PSTPIP1: variants seen among roughly 807,000 people sequenced by gnomAD.
PSTPIP1 encodes the protein proline-serine-threonine phosphatase-interacting protein 1.
A neutral mutation model predicts 69.6 loss-of-function variants in PSTPIP1; 66 were observed. The ratio of observed to expected loss-of-function variants is 0.95; its 90% CI spans 0.78 to 1.16. PSTPIP1 has a LOEUF of 1.16. Among genes scored for constraint, PSTPIP1 ranks in the 50% most tolerant of loss-of-function variants. The pLI is 0.00. For missense variants in PSTPIP1, 603 were observed against 557.4 expected (o/e 1.08, Z -0.82); for synonymous variants, 266 against 222.7 (o/e 1.19, Z -1.73).
chr15:77,003,701 C>T (rs910694232), intron 1 of PSTPIP1, among the ~76,000 whole-genome samples: 1 of 151,974 alleles, frequency 6.6e-6, no homozygotes, highest in Non-Finnish European at 1.5e-5. Context: ...TTTGAAGCCT[C>T]ACCCAACCCT....
At chr15:77,033,056 G>A (rs2076461875) in intron 12 of PSTPIP1, 104 bp downstream of exon 12, 1 of 1,169,366 alleles carries the variant, frequency 8.6e-7, no homozygotes, top group Non-Finnish European at 1.2e-6. Flanking sequence ...CACCTACTAT[G>A]TGTCTGTATC....
chr15:77,025,248 TCTC>T (rs1227181038), intron 3 of PSTPIP1, 33 bp from the exon 4 acceptor site: 4 of 1,589,406 alleles, frequency 2.5e-6, no homozygotes, highest in South Asian at 2.2e-5. Flanking sequence ...CCCGCTGTGC[TCTC>T]CTCCTCCTGA....
chr15:77,025,380 G>A (rs372385493), intron 4 of PSTPIP1, 62 bp downstream of exon 4: 52 of 1,581,842 alleles, frequency 3.3e-5, no homozygotes, highest in Middle Eastern at 3.3e-4. Flanking sequence ...GGAGGGTTTG[G>A]GGGGACAGAA....
chr15:76,995,949 A>G (rs1033759034), intron 1 of PSTPIP1, among the ~76,000 whole-genome samples: 2 of 152,232 alleles, frequency 1.3e-5, no homozygotes, highest in African/African-American at 4.8e-5. Flanking sequence ...ACAGATTTAG[A>G]GACCAGACAA....
chr15:76,996,627 G>A (rs868812495), intron 1 of PSTPIP1, among the ~76,000 whole-genome samples: 7 of 152,354 alleles, frequency 4.6e-5, no homozygotes, highest in African/African-American at 1.4e-4. Context: ...CCTTCCGGCC[G>A]GCTCCACTTG....
At chr15:76,998,660 G>A (rs1268683208) in intron 1 of PSTPIP1, among the ~76,000 whole-genome samples, 1 of 152,200 alleles carries the variant, frequency 6.6e-6, no homozygotes, top group Non-Finnish European at 1.5e-5. Context: ...CAGCCTGATT[G>A]CAAGGAAGGA....
intron 1 of PSTPIP1, among the ~76,000 whole-genome samples, chr15:77,000,474 T>TACACAC (rs1392298244): frequency 6.9e-5 from 10 of 145,228 alleles, no homozygotes; most frequent in Non-Finnish European, 1.3e-4. Context: ...TATATATATA[T>TACACAC]ATACACACAC....
intron 1 of PSTPIP1, among the ~76,000 whole-genome samples, chr15:77,017,537 G>T (rs1289250117): frequency 1.3e-5 from 2 of 152,158 alleles, no homozygotes; most frequent in Admixed American, 6.5e-5. Context: ...GTGAGGGGGG[G>T]TTTCCTGAGC....
intron 1 of PSTPIP1, among the ~76,000 whole-genome samples, chr15:77,002,753 A>G (rs1174887152): frequency 3.3e-5 from 5 of 152,172 alleles, no homozygotes; most frequent in Non-Finnish European, 4.4e-5. Context: ...TCTGAATTCA[A>G]TTTTATTCTT....
chr15:77,034,224 C>T (rs1039666438), intron 12 of PSTPIP1, among the ~76,000 whole-genome samples: 2 of 152,038 alleles, frequency 1.3e-5, no homozygotes, highest in African/African-American at 4.8e-5. Flanking sequence ...CACAATGGCT[C>T]AGCAAGCCCT....
intron 1 of PSTPIP1, among the ~76,000 whole-genome samples, chr15:77,008,494 C>T (rs1298226967): frequency 1.3e-5 from 2 of 152,146 alleles, no homozygotes; most frequent in Non-Finnish European, 2.9e-5. Context: ...ACTGCAACCT[C>T]CGTCTCCTGG....
At position 77,028,586 on chromosome 15, in the gene PSTPIP1, C is replaced by G. The variant is rs758334058; in HGVS notation, c.450C>G (p.Asp150Glu). The change falls in exon 7 of 15, where the codon GAC (aspartate) becomes GAG (glutamate). Residue 150 changes from aspartate (D) to glutamate (E), a missense_variant. By Grantham distance (45) the Asp-to-Glu change is conservative (BLOSUM62 2). Coordinates refer to ENST00000558012, the MANE Select transcript of PSTPIP1 (RefSeq NM_003978.5). Reference protein sequence around the residue: ...SKKTYEQKCRDADDAEQAFER... With the variant: ...SKKTYEQKCREADDAEQAFER... ...AGACATACGAGCAGAAGTGCCGGGA[C>G]GCGGACGACGCGGAGCAGGCCTTCG... The G allele has an allele frequency of 6.2e-7, 1 of 1,603,010 alleles. No homozygotes were observed. Among genetic ancestry groups the G allele is most frequent in the Non-Finnish European group, 8.5e-7 (1 of 1,175,610 alleles).
intron 10 of PSTPIP1, 26 bp downstream of exon 10, chr15:77,031,304 G>A (rs756882164): frequency 1.5e-5 from 24 of 1,605,966 alleles, no homozygotes; most frequent in Middle Eastern, 1.7e-4. Flanking sequence ...CTTGGTGTGG[G>A]GTAAGGTAGG....
chr15:77,008,556 C>T (rs570911860), intron 1 of PSTPIP1, among the ~76,000 whole-genome samples: 37 of 152,204 alleles, frequency 2.4e-4, no homozygotes, highest in African/African-American at 8.2e-4. Flanking sequence ...ATTACAGGTG[C>T]CCGCCACCAC....
intron 1 of PSTPIP1, among the ~76,000 whole-genome samples, chr15:77,000,454 AAGAG>A (rs71931532): frequency 2.3e-5 from 2 of 87,548 alleles, no homozygotes; most frequent in African/African-American, 4.6e-5. Context: ...TGGGCATTTA[AAGAG>A]AGATATATAT....
chr15:77,025,627 G>A (rs1471526370), intron 5 of PSTPIP1, 23 bp downstream of exon 5: 17 of 1,526,090 alleles, frequency 1.1e-5, no homozygotes, highest in Admixed American at 3.9e-5. Flanking sequence ...CAGGGGGCGG[G>A]GGAGCTGCTC....
chr15:77,020,446 A>G (rs905482178), intron 3 of PSTPIP1, among the ~76,000 whole-genome samples: 2 of 152,102 alleles, frequency 1.3e-5, no homozygotes, highest in Admixed American at 1.3e-4. Flanking sequence ...GGGGCTCCAT[A>G]GTGTTGCTCT....
chr15:77,035,713 G>A (rs2076547012), intron 13 of PSTPIP1, 89 bp from the exon 14 acceptor site: 8 of 1,500,692 alleles, frequency 5.3e-6, no homozygotes, highest in South Asian at 1.2e-5. Context: ...AAGAGGCAGG[G>A]CCCAGCATGG....
At chr15:77,028,499 G>A in intron 6 of PSTPIP1, 55 bp from the exon 7 acceptor site, 1 of 1,442,192 alleles carries the variant, frequency 6.9e-7, no homozygotes, top group Non-Finnish European at 9.4e-7. Flanking sequence ...CTCACTCCCG[G>A]GGACCACAGA....
Sources: allele counts gnomAD v4.1 joint callset (sites outside exome capture counted in the v4.1 genomes callset), GRCh38; gene constraint gnomAD v4.1.1; transcripts MANE v1.5; gene names NCBI Gene and HGNC (gene_info 2026-07-23, HGNC 2026-07-21).